Variants in ACSBG1 observed in about 807,000 individuals in gnomAD.
ACSBG1 encodes the protein acyl-CoA synthetase bubblegum family member 1.
Under a neutral mutation model 80.2 loss-of-function variants are expected in ACSBG1, and 39 were observed. The ratio of observed to expected loss-of-function variants is 0.49; its 90% CI spans 0.38 to 0.64. ACSBG1 has a LOEUF of 0.64. Among genes scored for constraint, ACSBG1 ranks in the 30% least tolerant of loss-of-function variants. The probability of loss-of-function intolerance (pLI) is 0.00; values close to 1 mark genes in which losing one functional copy is unlikely to be tolerated. For missense variants in ACSBG1, 828 were observed against 966.4 expected (o/e 0.86, Z 1.90); for synonymous variants, 392 against 379.5 (o/e 1.03, Z -0.38).
intron 5 of ACSBG1, among the ~76,000 whole-genome samples, chr15:78,185,640 C>T (rs2074995749): frequency 6.6e-6 from 1 of 151,856 alleles, no homozygotes; most frequent in African/African-American, 2.4e-5. Context: ...TATAAATCTA[C>T]CAATTTCAGA....
chr15:78,169,207 T>C lies in ACSBG1; in HGVS notation c.*2237A>G, dbSNP rs889063274. ...TTTTCAAAGAACTTTTTCCAAGTGC[T>C]TGTTTTATTTATTAAGTGTCTACCT... On this transcript the variant is annotated 3_prime_UTR_variant, in exon 14 of 14. Transcript: ENST00000258873. 13 of 386,510 alleles carry C rather than the reference T, an allele frequency of 3.4e-5. 1 individual carries two copies. The highest frequency in any genetic ancestry group is 6.7e-4 in the Middle Eastern group (1 of 1,498). The allele number at this position is 386,510 out of a possible 1,614,324, so 23.9% of individuals were successfully genotyped here.
At chr15:78,190,890 A>G (rs2075051347) in intron 5 of ACSBG1, among the ~76,000 whole-genome samples, 1 of 152,218 alleles carries the variant, frequency 6.6e-6, no homozygotes, top group Non-Finnish European at 1.5e-5. Context: ...CAAAAAAGTC[A>G]GGAAAGAGGA....
In ACSBG1 at chr15:78,173,538, C is replaced by T. The variant is rs971573289; in HGVS notation, c.2089+55G>A. The T allele has an allele frequency of 6.3e-6, 10 of 1,592,516 alleles. No individual in the cohort carries two copies. The African/African-American group carries it at 9.4e-5, about 15-fold the overall frequency. On this transcript the variant is annotated intron_variant, in intron 13 of 13. Coordinates refer to ENST00000258873, the MANE Select transcript of ACSBG1 (RefSeq NM_015162.5). ...CCTAACAGGCACCTCCTAGGCACTG[C>T]CATGGCCTCTGCCTTCCCACACAGC...
chr15:78,178,199 A>G lies in ACSBG1; in HGVS notation c.1702+415T>C, dbSNP rs1047291423. The stretch of plus-strand genomic sequence containing the variant: ...GTCACTAAAGGTGCCATCTTAATAA[A>G]GGCTCAAGACCAGCAGCTGGTGTAA... On this transcript the variant is annotated intron_variant, in intron 11 of 13. Transcript: ENST00000258873. This position sits in a 1 kb window ranked among gnomAD's most constrained non-coding sequence, Gnocchi z 4.3. Among the ~76,000 whole-genome samples the G allele has an allele frequency of 2.0e-5, 3 of 152,188 alleles. No homozygotes were observed. The highest frequency in any genetic ancestry group is 2.0e-4 in the Admixed American group (3 of 15,276).
chr15:78,193,196 C>T (rs2075071742), intron 5 of ACSBG1, among the ~76,000 whole-genome samples: 1 of 152,216 alleles, frequency 6.6e-6, no homozygotes, highest in Admixed American at 6.5e-5. Context: ...CCCCGGCCCC[C>T]ACAGCTCTTG....
rs377206732 is a variant in ACSBG1, at chr15:78,194,705, C to G, written c.254G>C (p.Arg85Pro). The G allele has an allele frequency of 1.2e-6, 2 of 1,612,932 alleles. No individual in the cohort carries two copies. The highest frequency in any genetic ancestry group is 1.7e-6 in the Non-Finnish European group (2 of 1,179,838). ...DAPEEALWTT[R>P]ADGRVRLRID... ...GCGCAGGCGCACCCGCCCATCGGCC[C>G]GAGTCGTCCACAGCGCCTCCTCTGT... The change falls in exon 3 of 14, where the codon CGG becomes CCG. Residue 85 changes from arginine to proline, a missense_variant. Transcript: ENST00000258873.
intron 1 of ACSBG1, among the ~76,000 whole-genome samples, chr15:78,226,785 A>T (rs907236155): frequency 1.3e-5 from 1 of 78,450 alleles, no homozygotes; most frequent in African/African-American, 4.8e-5. Context: ...CACATAGAAA[A>T]ATATATATAT....
At chr15:78,171,572 A>G in intron 13 of ACSBG1, 43 bp from the exon 14 acceptor site, 1 of 1,507,034 alleles carries the variant, frequency 6.6e-7, no homozygotes. Context: ...CCAGGCTCTG[A>G]GAACTCTGAG....
Position 78,205,399 on chromosome 15 carries a change from T to C in ACSBG1, c.232+2603A>G, listed in dbSNP as rs1300460725. Among the ~76,000 whole-genome samples, 3 of 151,392 alleles carry C rather than the reference T, an allele frequency of 2.0e-5. No individual in the cohort carries two copies. In the East Asian group the frequency reaches 5.9e-4, roughly 30 times the overall value. On this transcript the variant is annotated intron_variant, in intron 2 of 13. Transcript: ENST00000258873. ...TTCCTGTGTACAAGACTCAAAGAGC[T>C]CCCCAGAGGGGCTGCCAGTGTCTGC...
chr15:78,202,265 C>T (rs1289017358), intron 2 of ACSBG1, among the ~76,000 whole-genome samples: 1 of 152,054 alleles, frequency 6.6e-6, no homozygotes, highest in East Asian at 1.9e-4. Context: ...GGCTGGAGTG[C>T]TGTGGCACTA....
chr15:78,190,060 A>G (rs1296327551), intron 5 of ACSBG1, among the ~76,000 whole-genome samples: 1 of 152,170 alleles, frequency 6.6e-6, no homozygotes, highest in African/African-American at 2.4e-5. Context: ...AGAAATGGCA[A>G]AAATGTGGGT....
At chr15:78,233,693 TGTGC>T (rs1169940098) in intron 1 of ACSBG1, among the ~76,000 whole-genome samples, 3 of 152,128 alleles carry the variant, frequency 2.0e-5, no homozygotes, top group Non-Finnish European at 4.4e-5. Flanking sequence ...GTTCCGTGTG[TGTGC>T]GTGTGCGCGT....
chr15:78,173,861 G>A (rs768454145), intron 12 of ACSBG1, 22 bp from the exon 13 acceptor site: 18 of 1,611,098 alleles, frequency 1.1e-5, no homozygotes, highest in East Asian at 1.1e-4. Context: ...GAGATCAGAT[G>A]AGGACCAAGC....
chr15:78,222,756 A>G (rs920095657), intron 1 of ACSBG1, among the ~76,000 whole-genome samples: 2 of 152,208 alleles, frequency 1.3e-5, no homozygotes, highest in African/African-American at 4.8e-5. Context: ...GATAGAAATG[A>G]TAACTGACTT....
intron 1 of ACSBG1, among the ~76,000 whole-genome samples, chr15:78,231,092 C>A (rs1005605400): frequency 1.3e-5 from 2 of 152,104 alleles, no homozygotes; most frequent in African/African-American, 4.8e-5. Context: ...TAGCTGGGAC[C>A]ACAGGTATGT....
At chr15:78,211,863 C>T (rs529457593) in intron 1 of ACSBG1, among the ~76,000 whole-genome samples, 21 of 152,308 alleles carry the variant, frequency 1.4e-4, no homozygotes, top group African/African-American at 5.1e-4. Context: ...CCCTGTGGCC[C>T]TTGGATACTC....
rs55659119 is a variant in ACSBG1 at position 78,182,860 on chromosome 15, T to C, written c.664-75A>G. ...TTCTAAAAAGTACCCCATCTCCCTG[T>C]GTGAGTCGGCTTAGTAAAGGTCTCT... On this transcript the variant is annotated intron_variant, in intron 5 of 13. Transcript: ENST00000258873. 9.5e-3 allele frequency: 14,557 copies of C among 1,537,834 alleles called. 96 individuals are homozygous for C. Among genetic ancestry groups the C allele is most frequent in the Non-Finnish European group, 0.011 (12,573 of 1,121,204 alleles).
At chr15:78,185,571 A>AT in intron 5 of ACSBG1, among the ~76,000 whole-genome samples, 1 of 152,226 alleles carries the variant, frequency 6.6e-6, no homozygotes, top group Non-Finnish European at 1.5e-5. Flanking sequence ...GTCCCAGAAA[A>AT]TTTTTTTAAT....
chr15:78,226,637 A>T, intron 1 of ACSBG1: 1 of 211,928 alleles, frequency 4.7e-6, no homozygotes, highest in Non-Finnish European at 9.6e-6. Context: ...TTAAAAAGCT[A>T]TAGAATGAAG....
Sources: allele counts gnomAD v4.1 joint callset (sites outside exome capture counted in the v4.1 genomes callset), GRCh38; gene constraint gnomAD v4.1.1; non-coding constraint Gnocchi (gnomAD v3.1); transcripts MANE v1.5; gene names NCBI Gene and HGNC (gene_info 2026-07-23, HGNC 2026-07-21).